PEX3: variants seen among roughly 807,000 people sequenced by gnomAD.
The protein encoded by PEX3 is peroxin-3.
Under a neutral mutation model 55.8 loss-of-function variants are expected in PEX3, and 30 were observed. The observed-to-expected ratio is 0.54, with a 90% CI of 0.40 to 0.73. The LOEUF (loss-of-function observed/expected upper bound fraction) is 0.73. PEX3 is among the 30% of genes least tolerant of loss of function. PEX3 has a pLI of 0.00. For synonymous variants in PEX3, 135 were observed against 148.4 expected, an observed-to-expected ratio of 0.91 and a Z score of 0.66; for missense variants, 351 against 432.8, an observed-to-expected ratio of 0.81 and a Z score of 1.68.
intron 9 of PEX3, 97 bp from the exon 10 acceptor site, chr6:143,478,979 A>G (rs1434690160): frequency 1.4e-6 from 1 of 720,538 alleles, no homozygotes; most frequent in African/African-American, 1.8e-5. Context: ...ATGACTAGAA[A>G]TGTTGGTGGC....
At chr6:143,470,382 C>T (rs918975727) in intron 4 of PEX3, among the ~76,000 whole-genome samples, 5 of 152,140 alleles carry the variant, frequency 3.3e-5, no homozygotes, top group South Asian at 2.1e-4. Flanking sequence ...GTCTCTCAAG[C>T]GTCAGTAACA....
At position 143,465,386 on chromosome 6, in the gene PEX3, C is replaced by T. The variant is rs1562652958; in HGVS notation, c.287+2389C>T. ...CCTGGGTAACTATTACTGTCTTCTC[C>T]CACCAAAATCATCCCAAATAAAATA... On this transcript the variant is annotated intron_variant, in intron 3 of 11. Transcript: ENST00000367591. The surrounding 1 kb of genome is among the most constrained non-coding windows in gnomAD (Gnocchi z 4.7). Among the ~76,000 whole-genome samples, 1 of 151,684 alleles carries T rather than the reference C, an allele frequency of 6.6e-6. No homozygotes were observed. The highest frequency in any genetic ancestry group is 1.5e-5 in the Non-Finnish European group (1 of 67,820).
At chr6:143,472,795 AAC>A (rs1198458405) in intron 8 of PEX3, among the ~76,000 whole-genome samples, 1 of 152,220 alleles carries the variant, frequency 6.6e-6, no homozygotes, top group African/African-American at 2.4e-5. Context: ...CCAGTCCAAT[AAC>A]ACAATCACCT....
rs1779956539 is a variant in PEX3 at position 143,463,891 on chromosome 6, T to G, written c.287+894T>G. Reference sequence around the variant, plus strand: ...GAATTGAGTGCTCAGACAGGCTACATAACAAGTGGGGAATTTTTTTAAAAA... The same window carrying G: ...GAATTGAGTGCTCAGACAGGCTACAGAACAAGTGGGGAATTTTTTTAAAAA... On this transcript the variant is annotated intron_variant, in intron 3 of 11. Coordinates refer to ENST00000367591, the MANE Select transcript of PEX3 (RefSeq NM_003630.3). The surrounding 1 kb of genome is among the most constrained non-coding windows in gnomAD (Gnocchi z 5.7). Among the ~76,000 whole-genome samples the G allele has an allele frequency of 6.6e-6, 1 of 152,142 alleles. No homozygotes were observed. Among genetic ancestry groups the G allele is most frequent in the African/African-American group, 2.4e-5 (1 of 41,446 alleles).
chr6:143,452,335 C>T (rs1042048465), intron 1 of PEX3, among the ~76,000 whole-genome samples: 2 of 152,096 alleles, frequency 1.3e-5, no homozygotes, highest in East Asian at 1.9e-4. Flanking sequence ...TATCTTCAGT[C>T]GCTAGTATCT....
chr6:143,471,697 T>G lies in PEX3; in HGVS notation c.578+86T>G, dbSNP rs1426193861. On this transcript the variant is annotated intron_variant, in intron 7 of 11. Coordinates refer to ENST00000367591, the MANE Select transcript of PEX3 (RefSeq NM_003630.3). This position sits in a 1 kb window ranked among gnomAD's most constrained non-coding sequence, Gnocchi z 5.4. ...AATTGTTCTAGTGAAACCAGTGACT[T>G]GACAAACGGTGATTTGTGAAACTCT... 2 of 916,916 alleles carry G rather than the reference T, an allele frequency of 2.2e-6. No homozygotes were observed. Among genetic ancestry groups the G allele is most frequent in the East Asian group, 4.8e-5 (2 of 41,746 alleles). 56.8% of individuals were successfully genotyped at this position (916,916 alleles called of 1,614,324 possible).
At position 143,462,799 on chromosome 6, in the gene PEX3, C is replaced by A. The variant is rs907072473; in HGVS notation, c.206-117C>A. ...ATTTGAATCGTCTAGCCCTGACTTT[C>A]CCTTCTGACTCTTGCTAGTTGCTAG... On this transcript the variant is annotated intron_variant, in intron 2 of 11. Transcript: ENST00000367591. The surrounding 1 kb of genome is among the most constrained non-coding windows in gnomAD (Gnocchi z 4.1). The A allele has an allele frequency of 2.7e-6, 2 of 753,362 alleles. No individual in the cohort carries two copies. Among genetic ancestry groups the A allele is most frequent in the African/African-American group, 3.5e-5 (2 of 57,734 alleles). The allele number at this position is 753,362 out of a possible 1,614,324, so 46.7% of individuals were successfully genotyped here.
At chr6:143,461,847 C>A (rs191546180) in intron 2 of PEX3, among the ~76,000 whole-genome samples, 42 of 152,288 alleles carry the variant, frequency 2.8e-4, no homozygotes, top group Admixed American at 1.5e-3. Context: ...ACTCGGGAAT[C>A]TGAGGCAGGA....
In PEX3 at chr6:143,488,163, G is replaced by A. The variant is rs946790892; in HGVS notation, c.1039-980G>A. On this transcript the variant is annotated intron_variant, in intron 11 of 11. Transcript: ENST00000367591. This position sits in a 1 kb window ranked among gnomAD's most constrained non-coding sequence, Gnocchi z 4.9. ...TTAACCATGAATTGATTGAGATTAG[G>A]ACATGTCTAAACCTCACTTGGATTT... Among the ~76,000 whole-genome samples, 3 of 151,924 alleles carry A rather than the reference G, an allele frequency of 2.0e-5. No homozygotes were observed. The highest frequency in any genetic ancestry group is 7.2e-5 in the African/African-American group (3 of 41,380).
rs9484753 is a variant in PEX3, at chr6:143,488,856, C to A, written c.1039-287C>A. 6.6e-6 allele frequency among the ~76,000 whole-genome samples: 1 copy of A among 152,048 alleles called. No individual in the cohort carries two copies. Among genetic ancestry groups the A allele is most frequent in the African/African-American group, 2.4e-5 (1 of 41,436 alleles). ...CTACAATTATTTATTCAACAGATAC[C>A]TATCTAGCACTTGACATACACCAAA... On this transcript the variant is annotated intron_variant, in intron 11 of 11. Coordinates refer to ENST00000367591, the MANE Select transcript of PEX3 (RefSeq NM_003630.3). The surrounding 1 kb of genome is among the most constrained non-coding windows in gnomAD (Gnocchi z 4.9).
rs1780161101 is a variant in PEX3 at position 143,476,931 on chromosome 6, C to T, written c.818+2075C>T. 6.6e-6 allele frequency among the ~76,000 whole-genome samples: 1 copy of T among 152,040 alleles called. No homozygotes were observed. The highest frequency in any genetic ancestry group is 6.6e-5 in the Admixed American group (1 of 15,264). On this transcript the variant is annotated intron_variant, in intron 9 of 11. Transcript: ENST00000367591. The surrounding 1 kb of genome is among the most constrained non-coding windows in gnomAD (Gnocchi z 5.4). ...AGTTTGGGATCGGGGGAAGAGCCAG[C>T]AAAGGAGACTGAGTAGGAGCTGCCA...
At chr6:143,467,444 T>C (rs1246865197) in intron 3 of PEX3, among the ~76,000 whole-genome samples, 1 of 152,038 alleles carries the variant, frequency 6.6e-6, no homozygotes, top group African/African-American at 2.4e-5. Context: ...ACCTACCCAG[T>C]AGCAATGAAC....
Position 143,471,967 on chromosome 6 carries a change from A to G in PEX3, c.579-193A>G, listed in dbSNP as rs1474116733. ...AGGAATTCTCTTATGGAATCCAGAG[A>G]AATACTTTTCTTGGCTCTGTAGTAA... On this transcript the variant is annotated intron_variant, in intron 7 of 11. Coordinates refer to ENST00000367591, the MANE Select transcript of PEX3 (RefSeq NM_003630.3). This position sits in a 1 kb window ranked among gnomAD's most constrained non-coding sequence, Gnocchi z 5.4. 6.6e-6 allele frequency among the ~76,000 whole-genome samples: 1 copy of G among 152,154 alleles called. No individual in the cohort carries two copies. The highest frequency in any genetic ancestry group is 1.5e-5 in the Non-Finnish European group (1 of 68,024).
At position 143,483,587 on chromosome 6, in the gene PEX3, A is replaced by G. The variant is rs1396237799; in HGVS notation, c.942-1565A>G. Among the ~76,000 whole-genome samples the G allele has an allele frequency of 6.6e-6, 1 of 152,178 alleles. No homozygotes were observed. The highest frequency in any genetic ancestry group is 1.5e-5 in the Non-Finnish European group (1 of 68,020). On this transcript the variant is annotated intron_variant, in intron 10 of 11. Transcript: ENST00000367591. This position sits in a 1 kb window ranked among gnomAD's most constrained non-coding sequence, Gnocchi z 4.3. Reference sequence around the variant, plus strand: ...GTCAGACAAAGCTGGAGAATGCAGCATATACAGATATGGCTGTCATCTGAG... The same window carrying G: ...GTCAGACAAAGCTGGAGAATGCAGCGTATACAGATATGGCTGTCATCTGAG...
In PEX3 at chr6:143,482,175, T is replaced by C. The variant is rs1359144215; in HGVS notation, c.941+2977T>C. 1.3e-5 allele frequency among the ~76,000 whole-genome samples: 2 copies of C among 152,154 alleles called. 1 individual carries two copies. The highest frequency in any genetic ancestry group is 2.9e-5 in the Non-Finnish European group (2 of 68,022). The stretch of plus-strand genomic sequence containing the variant: ...TCAATTAAGGAAAGCTGTTGATTTT[T>C]TTCTATACTTATATCTTGAAAATAG... On this transcript the variant is annotated intron_variant, in intron 10 of 11. Coordinates refer to ENST00000367591, the MANE Select transcript of PEX3 (RefSeq NM_003630.3). This position sits in a 1 kb window ranked among gnomAD's most constrained non-coding sequence, Gnocchi z 5.5.
chr6:143,472,472 T>G, intron 8 of PEX3, 144 bp downstream of exon 8: 2 of 655,092 alleles, frequency 3.1e-6, no homozygotes, highest in East Asian at 5.4e-5. Flanking sequence ...ACCCATTAAT[T>G]TAGAAAAACA....
chr6:143,462,875 A>G lies in PEX3; in HGVS notation c.206-41A>G. On this transcript the variant is annotated intron_variant, in intron 2 of 11. Transcript: ENST00000367591. This position sits in a 1 kb window ranked among gnomAD's most constrained non-coding sequence, Gnocchi z 4.1. ...CGCATTTCTTAGTGAGGGCAGTCAT[A>G]TCACTTGTGACCTTTTTTATTTTTT... The G allele has an allele frequency of 6.9e-7, 1 of 1,452,858 alleles. No homozygotes were observed. Among genetic ancestry groups the G allele is most frequent in the Non-Finnish European group, 9.6e-7 (1 of 1,046,174 alleles). The allele number at this position is 1,452,858 out of a possible 1,614,324, so 90.0% of individuals were successfully genotyped here.
rs756023893 is a variant in PEX3, at chr6:143,485,151, G to T, written c.942-1G>T. 7.7e-6 allele frequency: 12 copies of T among 1,550,804 alleles called. No individual in the cohort carries two copies. Among genetic ancestry groups the T allele is most frequent in the Non-Finnish European group, 1.1e-5 (12 of 1,122,700 alleles). ...TAATCATTACTGTAATGATTTTTCA[G>T]TCTTTCCAGTGTCAGCCTGCCTTTA... On this transcript the variant is annotated splice_acceptor_variant, in intron 10 of 11. Coordinates refer to ENST00000367591, the MANE Select transcript of PEX3 (RefSeq NM_003630.3). LOFTEE classifies it high-confidence loss of function. This position sits in a 1 kb window ranked among gnomAD's most constrained non-coding sequence, Gnocchi z 5.6.
chr6:143,457,539 A>G (rs890856799), intron 1 of PEX3, among the ~76,000 whole-genome samples: 2 of 152,202 alleles, frequency 1.3e-5, no homozygotes, highest in African/African-American at 2.4e-5. Flanking sequence ...TTTGTTTTGC[A>G]GTTGCTAGAG....
Sources: gnomAD v4.1 joint callset for allele counts (sites outside exome capture counted in the v4.1 genomes callset) on GRCh38, gnomAD v4.1.1 for gene constraint, Gnocchi (gnomAD v3.1) non-coding constraint, MANE v1.5 for transcripts, NCBI Gene and HGNC (gene_info 2026-07-23, HGNC 2026-07-21) for gene names.